ASNS: variants seen among roughly 807,000 people sequenced by gnomAD.
ASNS encodes the protein asparagine synthetase (glutamine-hydrolyzing), also known as asparagine synthetase [glutamine-hydrolyzing].
In ASNS, 37 loss-of-function variants were observed where a neutral mutation model predicts 62.6. That is an observed-to-expected ratio of 0.59 (90% CI 0.45 to 0.78). ASNS has a LOEUF of 0.78. ASNS is among the 30% of genes least tolerant of loss of function. ASNS has a pLI of 0.00. For synonymous variants in ASNS, 207 were observed against 237.9 expected, an observed-to-expected ratio of 0.87 and a Z score of 1.19; for missense variants, 520 against 682.4, an observed-to-expected ratio of 0.76 and a Z score of 2.65.
chr7:97,859,705 T>C (rs79310151), intron 4 of ASNS, among the ~76,000 whole-genome samples: 1 of 152,182 alleles, frequency 6.6e-6, no homozygotes, highest in African/African-American at 2.4e-5. Context: ...CTATTTTCTA[T>C]ACTAAAGCAA....
Position 97,856,807 on chromosome 7 carries a change from G to T in ASNS, c.913C>A (p.His305Asn). Reference protein sequence around the residue: ...DLLAARKVADHIGSEHYEVLF... With the variant: ...DLLAARKVADNIGSEHYEVLF... ...ACTTCATAATGTTCACTTCCAATATGATCTGCCACCTTATTATATAAAGAA... is the reference window on the plus strand; with the variant it reads ...ACTTCATAATGTTCACTTCCAATATTATCTGCCACCTTATTATATAAAGAA... The change falls in exon 8 of 13, where the codon CAT (histidine) becomes AAT (asparagine). Residue 305 changes from histidine to asparagine, a missense_variant. Transcript: ENST00000394308. The T allele has an allele frequency of 6.2e-7, 1 of 1,603,526 alleles. No individual in the cohort carries two copies. Among genetic ancestry groups the T allele is most frequent in the Non-Finnish European group, 8.5e-7 (1 of 1,175,502 alleles).
the ASNS span, among the ~76,000 whole-genome samples, chr7:97,879,261 A>G: frequency 1.3e-5 from 2 of 152,222 alleles, no homozygotes; most frequent in Non-Finnish European, 2.9e-5. Context: ...CTAAAACACC[A>G]AAAGCAATGG....
chr7:97,864,694 C>T (rs1791883403), intron 3 of ASNS, among the ~76,000 whole-genome samples, 198 bp from the exon 4 acceptor site: 1 of 152,082 alleles, frequency 6.6e-6, no homozygotes, highest in African/African-American at 2.4e-5. Flanking sequence ...TAAAGCCGAA[C>T]CCATGAAAAT....
the ASNS span, among the ~76,000 whole-genome samples, chr7:97,913,787 G>GA: frequency 1.3e-5 from 2 of 150,488 alleles, no homozygotes; most frequent in South Asian, 2.1e-4. Context: ...TGGAATAAAT[G>GA]AACAGAAGGA....
the ASNS span, chr7:97,899,228 C>T: frequency 2.5e-5 from 5 of 197,198 alleles, no homozygotes; most frequent in African/African-American, 7.0e-5. Flanking sequence ...GTGATCTGCC[C>T]GCCTCAGCCT....
the ASNS span, among the ~76,000 whole-genome samples, chr7:97,916,168 C>T: frequency 6.6e-6 from 1 of 152,026 alleles, no homozygotes; most frequent in South Asian, 2.1e-4. Context: ...CACCTGAGGT[C>T]AGGAGTTCCA....
chr7:97,853,143 G>T lies in ASNS; in HGVS notation c.1393C>A (p.Arg465=). 6.2e-7 allele frequency: 1 copy of T among 1,611,062 alleles called. No homozygotes were observed. The highest frequency in any genetic ancestry group is 8.5e-7 in the Non-Finnish European group (1 of 1,179,056). ...SNLIPKEILW[R]PKEAFSDGIT... Reference sequence around the variant, plus strand: ...CCATCACTGAAGGCTTCTTTTGGTCGCCAGAGAATCTCTTTGGGTATCAGA... The same window carrying T: ...CCATCACTGAAGGCTTCTTTTGGTCTCCAGAGAATCTCTTTGGGTATCAGA... Residue 465 remains arginine, a synonymous_variant, in exon 12 of 13, where the codon CGA becomes AGA. Transcript: ENST00000394308.
At chr7:97,872,421 G>C (rs1431317364), upstream of ASNS, 2 of 152,572 alleles carry the variant, frequency 1.3e-5, no homozygotes, top group Non-Finnish European at 2.9e-5. Context: ...CGGGCGGCGA[G>C]GCCGCTGGCG....
At chr7:97,857,742 G>T (rs1166553829) in intron 7 of ASNS, among the ~76,000 whole-genome samples, 1 of 151,360 alleles carries the variant, frequency 6.6e-6, no homozygotes, top group Non-Finnish European at 1.5e-5. Flanking sequence ...AGCCTCCCAA[G>T]TATCTGGGAC....
the ASNS span, among the ~76,000 whole-genome samples, chr7:97,916,862 C>T: frequency 3.3e-5 from 5 of 152,150 alleles, no homozygotes; most frequent in East Asian, 1.9e-4. Flanking sequence ...CTCCTGCCAC[C>T]GTATTTGGAG....
the ASNS span, among the ~76,000 whole-genome samples, chr7:97,919,352 C>T: frequency 1.3e-5 from 2 of 152,262 alleles, no homozygotes; most frequent in Admixed American, 6.5e-5. Flanking sequence ...CTGGCCCACC[C>T]GCCTTGGCCT....
Position 97,852,145 on chromosome 7 carries a change from TA to T in ASNS, c.*113del, listed in dbSNP as rs1475470272. The T allele has an allele frequency of 8.3e-7, 1 of 1,201,942 alleles. No individual in the cohort carries two copies. Among genetic ancestry groups the T allele is most frequent in the Non-Finnish European group, 1.2e-6 (1 of 854,516 alleles). 74.5% of individuals were successfully genotyped at this position (1,201,942 alleles called of 1,614,324 possible). A position where few individuals can be genotyped will look rare whatever the true frequency, so the allele number is the denominator to read the frequency against. On this transcript the variant is annotated 3_prime_UTR_variant, in exon 13 of 13. Coordinates refer to ENST00000394308, the MANE Select transcript of ASNS (RefSeq NM_001673.5). ...AGCAATGGTTTAGATTTAGGACTTT[TA>T]TTTTTTTCACACCCAAGTTAGCCTG... is the stretch of plus-strand genomic sequence containing the variant.
At position 97,856,813 on chromosome 7, in the gene ASNS, C is replaced by A. The variant is rs1359080339; in HGVS notation, c.907G>T (p.Ala303Ser). 6.2e-7 allele frequency: 1 copy of A among 1,601,810 alleles called. No individual in the cohort carries two copies. Among genetic ancestry groups the A allele is most frequent in the Admixed American group, 1.8e-5 (1 of 57,068 alleles). ...TAATGTTCACTTCCAATATGATCTG[C>A]CACCTTATTATATAAAGAAATACCC... ...SPDLLAARKV[A>S]DHIGSEHYEV... The change falls in exon 8 of 13, where the codon GCA becomes TCA. Residue 303 changes from alanine (A) to serine (S), a missense_variant. Ala to Ser is a moderately conservative substitution (Grantham distance 99). Coordinates refer to ENST00000394308, the MANE Select transcript of ASNS (RefSeq NM_001673.5).
the ASNS span, among the ~76,000 whole-genome samples, chr7:97,888,463 TA>T: frequency 6.6e-6 from 1 of 152,076 alleles, no homozygotes; most frequent in African/African-American, 2.4e-5. Context: ...TTTACTGGAA[TA>T]AAACCAGGTC....
At chr7:97,857,445 C>T (rs1469630784) in intron 7 of ASNS, among the ~76,000 whole-genome samples, 1 of 152,072 alleles carries the variant, frequency 6.6e-6, no homozygotes, top group Non-Finnish European at 1.5e-5. Context: ...GTACTTACTA[C>T]ATGCTAAGTT....
chr7:97,890,828 G>C, the ASNS span, among the ~76,000 whole-genome samples: 2 of 152,146 alleles, frequency 1.3e-5, no homozygotes, highest in Non-Finnish European at 2.9e-5. Flanking sequence ...CTTGTTTGTT[G>C]TGGTCCTACA....
At chr7:97,881,632 T>C in the ASNS span, among the ~76,000 whole-genome samples, 1 of 152,196 alleles carries the variant, frequency 6.6e-6, no homozygotes, top group African/African-American at 2.4e-5. Context: ...GCCTACTACA[T>C]GTGGATGGAC....
intron 12 of ASNS, 30 bp from the exon 13 acceptor site, chr7:97,852,498 G>A: frequency 6.3e-7 from 1 of 1,594,540 alleles, no homozygotes; most frequent in Middle Eastern, 1.7e-4. Context: ...AGAGCAAAAT[G>A]GCTTAAAATG....
chr7:97,882,405 G>A, the ASNS span, among the ~76,000 whole-genome samples: 2 of 151,954 alleles, frequency 1.3e-5, no homozygotes, highest in African/African-American at 4.8e-5. Context: ...AAAATTAGCC[G>A]GGCATGGTGG....
Sources: allele counts gnomAD v4.1 joint callset (sites outside exome capture counted in the v4.1 genomes callset), GRCh38; gene constraint gnomAD v4.1.1; transcripts MANE v1.5; gene names NCBI Gene and HGNC (gene_info 2026-07-23, HGNC 2026-07-21).